RGSL1: variants seen among roughly 807,000 people sequenced by gnomAD.
The protein encoded by RGSL1 is regulator of G protein signaling protein-like.
In RGSL1, 97 loss-of-function variants were observed where a neutral mutation model predicts 124.7. The observed-to-expected ratio is 0.78, with a 90% CI of 0.66 to 0.92. The LOEUF (loss-of-function observed/expected upper bound fraction) is 0.92, where lower values mean the gene tolerates loss of function less well. RGSL1 is among the 40% of genes least tolerant of loss of function. The probability of loss-of-function intolerance (pLI) is 0.00; values close to 1 mark genes in which losing one functional copy is unlikely to be tolerated. For missense variants in RGSL1, 1,233 were observed against 1,288.4 expected, an observed-to-expected ratio of 0.96 and a Z score of 0.66; for synonymous variants, 424 against 438.1, an observed-to-expected ratio of 0.97 and a Z score of 0.40.
chr1:182,550,793 G>A (rs958692674), intron 17 of RGSL1: 4 of 302,814 alleles, frequency 1.3e-5, no homozygotes, highest in African/African-American at 8.6e-5. Context: ...GTGCACCCCA[G>A]GGGTTAACCT....
rs1659073303 is a variant in RGSL1, at chr1:182,530,309, A to T, written c.2191A>T (p.Ser731Cys). The T allele has an allele frequency of 6.4e-7, 1 of 1,551,034 alleles. No individual in the cohort carries two copies. Among genetic ancestry groups the T allele is most frequent in the Non-Finnish European group, 8.7e-7 (1 of 1,146,612 alleles). Residue 731 changes from serine (S) to cysteine (C), a missense_variant, in exon 12 of 22, where the codon AGC becomes TGC. Ser to Cys is a moderately radical substitution (Grantham distance 112). Coordinates refer to ENST00000294854, the MANE Select transcript of RGSL1 (RefSeq NM_001137669.2). Reference sequence around the variant, plus strand: ...CGCTTCCATGCGTCATGTCACCACAAGCACACTGTTAACGCTCCAGGGACA... The same window carrying T: ...CGCTTCCATGCGTCATGTCACCACATGCACACTGTTAACGCTCCAGGGACA... ...EIASMRHVTTSTLLTLQGHVM... is the reference protein window; with the variant it reads ...EIASMRHVTTCTLLTLQGHVM...
intron 9 of RGSL1, among the ~76,000 whole-genome samples, chr1:182,509,648 G>GTCT (rs1657194209): frequency 7.4e-6 from 1 of 134,502 alleles, no homozygotes; most frequent in African/African-American, 2.9e-5. Flanking sequence ...CCCGGACGGG[G>GTCT]CGGCTGGCCG....
rs1417171458 is a variant in RGSL1, at chr1:182,522,061, T to A, written c.1883T>A (p.Met628Lys). Residue 628 changes from methionine to lysine, a missense_variant, in exon 10 of 22, where the codon ATG becomes AAG. Coordinates refer to ENST00000294854, the MANE Select transcript of RGSL1 (RefSeq NM_001137669.2). Reference sequence around the variant, plus strand: ...ACAGTTTCACGCTCAAATAGGAAAATGTCCTTGCTCAAAAGAACTCTTGTA... The same window carrying A: ...ACAGTTTCACGCTCAAATAGGAAAAAGTCCTTGCTCAAAAGAACTCTTGTA... ...TKTVSRSNRK[M>K]SLLKRTLVRK... 1 of 1,549,834 alleles carries A rather than the reference T, an allele frequency of 6.5e-7. No individual in the cohort carries two copies. The highest frequency in any genetic ancestry group is 2.4e-5 in the East Asian group (1 of 40,852).
At chr1:182,509,757 G>C (rs1245423767) in intron 9 of RGSL1, among the ~76,000 whole-genome samples, 1 of 137,518 alleles carries the variant, frequency 7.3e-6, no homozygotes. Flanking sequence ...CGGCTGGCCG[G>C]GTGGGGGGGC....
At chr1:182,529,158 C>A (rs559171943) in intron 11 of RGSL1, among the ~76,000 whole-genome samples, 1 of 152,172 alleles carries the variant, frequency 6.6e-6, no homozygotes, top group Non-Finnish European at 1.5e-5. Flanking sequence ...AAGATACTTT[C>A]ACATGTATCC....
intron 1 of RGSL1, 57 bp downstream of exon 1, chr1:182,450,235 A>G: frequency 5.8e-6 from 9 of 1,544,292 alleles, no homozygotes; most frequent in Non-Finnish European, 7.0e-6. Flanking sequence ...AAGGCAAACC[A>G]TTCATCTTCC....
At chr1:182,544,954 A>C (rs984428458) in intron 15 of RGSL1, among the ~76,000 whole-genome samples, 2 of 151,980 alleles carry the variant, frequency 1.3e-5, no homozygotes, top group Non-Finnish European at 2.9e-5. Flanking sequence ...CAGCCACTAT[A>C]TGTCTTTTAA....
At chr1:182,554,016 G>A (rs986388968) in intron 19 of RGSL1, among the ~76,000 whole-genome samples, 4 of 152,008 alleles carry the variant, frequency 2.6e-5, no homozygotes, top group Non-Finnish European at 4.4e-5. Flanking sequence ...TTCTAACCTC[G>A]CATACTGAGG....
intron 2 of RGSL1, among the ~76,000 whole-genome samples, chr1:182,456,470 GTATTTT>G (rs1225920415): frequency 2.0e-5 from 3 of 152,096 alleles, no homozygotes; most frequent in African/African-American, 7.2e-5. Flanking sequence ...CTAATCTTTT[GTATTTT>G]TAGTAGAGAC....
At chr1:182,489,534 T>G (rs951858051) in intron 8 of RGSL1, among the ~76,000 whole-genome samples, 4 of 152,206 alleles carry the variant, frequency 2.6e-5, no homozygotes, top group Admixed American at 6.5e-5. Context: ...GAATACTTCA[T>G]TTCATGCATC....
intron 21 of RGSL1, 124 bp downstream of exon 21, chr1:182,556,346 G>C (rs1241422212): frequency 2.7e-6 from 1 of 363,986 alleles, no homozygotes; most frequent in African/African-American, 2.1e-5. Flanking sequence ...GGCTCAGGTT[G>C]TTAAAGAATC....
At chr1:182,516,533 G>A (rs2102219072) in intron 9 of RGSL1, among the ~76,000 whole-genome samples, 1 of 151,770 alleles carries the variant, frequency 6.6e-6, no homozygotes, top group East Asian at 1.9e-4. Context: ...TTTTCCTACT[G>A]TCTTTCTTTG....
chr1:182,540,240 C>G lies in RGSL1; in HGVS notation c.2495-7C>G, dbSNP rs1659804832. ...AAAATTGTAATTCCTTCTTCTTTCT[C>G]TCTCAGATTTCACCACAGCACACAA... On this transcript the variant is annotated splice_polypyrimidine_tract_variant and splice_region_variant and intron_variant, in intron 14 of 21. Transcript: ENST00000294854. 1.3e-6 allele frequency: 2 copies of G among 1,532,416 alleles called. No individual in the cohort carries two copies. The highest frequency in any genetic ancestry group is 1.8e-6 in the Non-Finnish European group (2 of 1,139,242). 94.9% of individuals were successfully genotyped at this position (1,532,416 alleles called of 1,614,324 possible). A position where few individuals can be genotyped will look rare whatever the true frequency, so the allele number is the denominator to read the frequency against.
In RGSL1 at chr1:182,527,678, T is replaced by C. The variant is rs1235610876; in HGVS notation, c.2031T>C (p.Ala677=). The part of the protein sequence containing the change: ...KAKIPLQFLT[A]VQKISIETNE... ...AAATCCCATTGCAATTTCTCACAGC[T>C]GTACAGAAGATCAGTATAGAGACCA... Residue 677 remains alanine (A), a synonymous_variant, in exon 11 of 22, where the codon GCT becomes GCC. Transcript: ENST00000294854. 4 of 1,551,470 alleles carry C rather than the reference T, an allele frequency of 2.6e-6. No individual in the cohort carries two copies. The highest frequency in any genetic ancestry group is 2.0e-5 in the Admixed American group (1 of 50,994).
intron 9 of RGSL1, among the ~76,000 whole-genome samples, chr1:182,497,069 T>C (rs1655969727): frequency 1.3e-5 from 2 of 152,120 alleles, no homozygotes; most frequent in Admixed American, 6.6e-5. Flanking sequence ...TGTAATATTC[T>C]GCAGAGTAGA....
chr1:182,532,896 G>A, intron 14 of RGSL1, 105 bp downstream of exon 14: 2 of 1,319,474 alleles, frequency 1.5e-6, no homozygotes, highest in Non-Finnish European at 2.0e-6. Flanking sequence ...CGGCAGCCTG[G>A]AGTCTAGCAA....
intron 6 of RGSL1, among the ~76,000 whole-genome samples, chr1:182,484,750 T>G (rs1181863557): frequency 1.3e-5 from 2 of 151,780 alleles, no homozygotes; most frequent in African/African-American, 4.8e-5. Context: ...CAGGAGGGAG[T>G]GTAGAGCTTA....
intron 6 of RGSL1, among the ~76,000 whole-genome samples, chr1:182,479,512 A>G (rs1317518164): frequency 6.6e-6 from 1 of 152,198 alleles, no homozygotes; most frequent in African/African-American, 2.4e-5. Flanking sequence ...CCTAAAAGAT[A>G]AAAAGAAAAT....
chr1:182,477,522 A>G (rs1432168367), intron 6 of RGSL1, among the ~76,000 whole-genome samples: 2 of 152,178 alleles, frequency 1.3e-5, no homozygotes, highest in Non-Finnish European at 1.5e-5. Context: ...ACAGACTCTG[A>G]GGCAGCCCTG....
Sources: allele counts gnomAD v4.1 joint callset (sites outside exome capture counted in the v4.1 genomes callset), GRCh38; gene constraint gnomAD v4.1.1; transcripts MANE v1.5; gene names NCBI Gene and HGNC (gene_info 2026-07-23, HGNC 2026-07-21).